MRTFA: variants seen among roughly 807,000 people sequenced by gnomAD.
The protein encoded by MRTFA is myocardin related transcription factor A, also known as myocardin-related transcription factor A.
MRTFA carries 20 observed loss-of-function variants against 83.5 expected under a neutral mutation model. The observed-to-expected ratio is 0.24, with a 90% CI of 0.17 to 0.35. The LOEUF (loss-of-function observed/expected upper bound fraction) is 0.35, where lower values mean the gene tolerates loss of function less well. MRTFA is among the 10% of genes least tolerant of loss of function. The pLI, the probability that MRTFA is intolerant of heterozygous loss-of-function variation, is 1.00. For synonymous variants in MRTFA, 659 were observed against 541.2 expected, an observed-to-expected ratio of 1.22 and a Z score of -3.02; for missense variants, 1,200 against 1,224.7, an observed-to-expected ratio of 0.98 and a Z score of 0.30.
At chr22:40,499,366 A>T (rs753562905) in intron 3 of MRTFA, among the ~76,000 whole-genome samples, 1 of 152,232 alleles carries the variant, frequency 6.6e-6, no homozygotes, top group Non-Finnish European at 1.5e-5. Flanking sequence ...AGCACTGATA[A>T]GCAGTCTGAA....
At chr22:40,568,626 G>A (rs1009888704) in intron 2 of MRTFA, among the ~76,000 whole-genome samples, 1 of 152,156 alleles carries the variant, frequency 6.6e-6, no homozygotes, top group African/African-American at 2.4e-5. Context: ...TATATTTAAA[G>A]CTTTAAAACA....
intron 4 of MRTFA, among the ~76,000 whole-genome samples, chr22:40,459,967 C>T (rs1279084131): frequency 1.3e-5 from 2 of 151,104 alleles, no homozygotes; most frequent in African/African-American, 2.4e-5. Context: ...CTTTTTGAGA[C>T]GGGGTCTCGC....
In MRTFA at chr22:40,624,697, T is replaced by C. The variant is rs964077338; in HGVS notation, c.-84+11781A>G. Among the ~76,000 whole-genome samples the C allele has an allele frequency of 1.8e-4, 28 of 152,196 alleles. 1 individual carries two copies. The highest frequency in any genetic ancestry group is 1.3e-3 in the Admixed American group (20 of 15,268). On this transcript the variant is annotated intron_variant, in intron 1 of 14. Coordinates refer to ENST00000355630, the MANE Select transcript of MRTFA (RefSeq NM_020831.6). ...TTTGGAAGGCATTCAAAAAATCCCT[T>C]GACACTCTCCAAATAGAATAAAAGG...
intron 1 of MRTFA, among the ~76,000 whole-genome samples, chr22:40,614,016 A>G (rs1328514820): frequency 6.6e-6 from 1 of 151,496 alleles, no homozygotes; most frequent in Non-Finnish European, 1.5e-5. Context: ...CCTGACCAAC[A>G]TGGAGAAACC....
intron 1 of MRTFA, among the ~76,000 whole-genome samples, chr22:40,606,328 A>G (rs1001626853): frequency 3.9e-5 from 6 of 152,238 alleles, no homozygotes; most frequent in African/African-American, 1.4e-4. Flanking sequence ...AGTTATGCTC[A>G]AAGAGATTTT....
chr22:40,429,873 G>A lies in MRTFA; in HGVS notation c.440-106C>T, dbSNP rs2053032963. The A allele has an allele frequency of 3.4e-6, 4 of 1,170,442 alleles. No individual in the cohort carries two copies. In the Admixed American group the frequency reaches 9.4e-5, roughly 28 times the overall value. The allele number at this position is 1,170,442 out of a possible 1,614,324, so 72.5% of individuals were successfully genotyped here. A position where few individuals can be genotyped will look rare whatever the true frequency, so the allele number is the denominator to read the frequency against. On this transcript the variant is annotated intron_variant, in intron 6 of 14. Transcript: ENST00000355630. Reference sequence around the variant, plus strand: ...TTCCTCCTGGGCAAGAGGAGTGACTGTCAGAACGGTAAGCATATTCCAAGC... The same window carrying A: ...TTCCTCCTGGGCAAGAGGAGTGACTATCAGAACGGTAAGCATATTCCAAGC...
chr22:40,522,904 T>G (rs1342145351), intron 3 of MRTFA: 1 of 152,008 alleles, frequency 6.6e-6, no homozygotes, highest in Non-Finnish European at 1.5e-5. Flanking sequence ...CACAGAGGGG[T>G]AGCACAGGAG....
At chr22:40,567,821 G>T (rs758980119) in intron 2 of MRTFA, among the ~76,000 whole-genome samples, 5 of 152,098 alleles carry the variant, frequency 3.3e-5, no homozygotes, top group South Asian at 4.1e-4. Context: ...CATGACAATG[G>T]GGCATTTGAA....
chr22:40,634,142 G>A (rs1023068529), intron 1 of MRTFA, among the ~76,000 whole-genome samples: 11 of 151,612 alleles, frequency 7.3e-5, no homozygotes, highest in Non-Finnish European at 1.3e-4. Context: ...TCAGGATGGA[G>A]GGCAGTGTGA....
chr22:40,549,806 C>G (rs1299997912), intron 3 of MRTFA, among the ~76,000 whole-genome samples: 1 of 152,176 alleles, frequency 6.6e-6, no homozygotes, highest in Non-Finnish European at 1.5e-5. Flanking sequence ...AATCCCAGCA[C>G]TTTGGGGGGC....
chr22:40,458,230 T>C (rs1229060060), intron 4 of MRTFA, among the ~76,000 whole-genome samples: 3 of 152,230 alleles, frequency 2.0e-5, no homozygotes, highest in African/African-American at 7.2e-5. Context: ...CTCTGCTATC[T>C]GGCACTCTGT....
intron 4 of MRTFA, among the ~76,000 whole-genome samples, chr22:40,446,887 TG>T (rs1215786708): frequency 6.6e-6 from 1 of 152,238 alleles, no homozygotes; most frequent in African/African-American, 2.4e-5. Flanking sequence ...GTTTTAGTGT[TG>T]GGTTATTCAT....
At chr22:40,568,025 G>A (rs1213854381) in intron 2 of MRTFA, among the ~76,000 whole-genome samples, 1 of 152,136 alleles carries the variant, frequency 6.6e-6, no homozygotes, top group East Asian at 1.9e-4. Flanking sequence ...TCATAATTTT[G>A]TAAGAGTATC....
chr22:40,613,777 G>A (rs2056415234), intron 1 of MRTFA, among the ~76,000 whole-genome samples: 1 of 152,102 alleles, frequency 6.6e-6, no homozygotes, highest in Admixed American at 6.6e-5. Flanking sequence ...AGGCGTAGTG[G>A]CGCACACCTA....
chr22:40,418,632 C>T lies in MRTFA; in HGVS notation c.2106G>A (p.Ala702=), dbSNP rs4821944. 0.29 allele frequency: 446,995 copies of T among 1,526,442 alleles called. 69,552 individuals carry two copies. The highest frequency in any genetic ancestry group is 0.36 in the South Asian group (27,523 of 76,754). 94.6% of individuals were successfully genotyped at this position (1,526,442 alleles called of 1,614,324 possible). A position where few individuals can be genotyped will look rare whatever the true frequency, so the allele number is the denominator to read the frequency against. Residue 702 remains alanine (A), a synonymous_variant, in exon 12 of 15, where the codon GCG becomes GCA. Transcript: ENST00000355630. ...GGTCTATGTGGTTGGTGGCTGGGGC[C>T]GCCAGGCTGGGGTTGAATGGGTGAG...
intron 7 of MRTFA, among the ~76,000 whole-genome samples, chr22:40,425,693 C>T (rs1268920515): frequency 6.6e-6 from 1 of 152,220 alleles, no homozygotes; most frequent in African/African-American, 2.4e-5. Flanking sequence ...AGACACACGG[C>T]TAGATTTCCC....
intron 7 of MRTFA, chr22:40,429,306 C>T: frequency 1.6e-6 from 1 of 609,008 alleles, no homozygotes; most frequent in South Asian, 2.0e-5. Context: ...ATCCTGACAT[C>T]TATCTACTCT....
intron 3 of MRTFA, among the ~76,000 whole-genome samples, chr22:40,498,274 T>TATATATATATATATATATATA (rs1491515144): frequency 1.3e-4 from 5 of 37,774 alleles, no homozygotes; most frequent in African/African-American, 5.7e-4. Flanking sequence ...TATATATATA[T>TATATATATATATATATATATA]TTTTTTTTTT....
intron 3 of MRTFA, among the ~76,000 whole-genome samples, chr22:40,503,223 T>C (rs2054525632): frequency 6.6e-6 from 1 of 152,260 alleles, no homozygotes; most frequent in African/African-American, 2.4e-5. Flanking sequence ...CACAACTGTG[T>C]GATCATCCCA....
Sources: gnomAD v4.1 joint callset for allele counts (sites outside exome capture counted in the v4.1 genomes callset) on GRCh38, gnomAD v4.1.1 for gene constraint, MANE v1.5 for transcripts, NCBI Gene and HGNC (gene_info 2026-07-23, HGNC 2026-07-21) for gene names.